Variants in CCDC186 observed in about 807,000 individuals in gnomAD.
CCDC186 encodes coiled-coil domain containing 186.
Under a neutral mutation model 113.7 loss-of-function variants are expected in CCDC186, and 49 were observed. The ratio of observed to expected loss-of-function variants is 0.43; its 90% CI spans 0.34 to 0.55. The LOEUF (loss-of-function observed/expected upper bound fraction) is 0.55. Among genes scored for constraint, CCDC186 ranks in the 20% least tolerant of loss-of-function variants. The pLI, the probability that CCDC186 is intolerant of heterozygous loss-of-function variation, is 0.02. For synonymous variants in CCDC186, 355 were observed against 345.8 expected (o/e 1.03, Z -0.30); for missense variants, 890 against 1,011.1 (o/e 0.88, Z 1.62).
At chr10:114,171,573 C>A (rs2032496033) in intron 1 of CCDC186, among the ~76,000 whole-genome samples, 1 of 151,864 alleles carries the variant, frequency 6.6e-6, no homozygotes, top group South Asian at 2.1e-4. Flanking sequence ...AAAATGAAGC[C>A]TAGTATCTTT....
At chr10:114,135,104 ATAAAC>A in intron 9 of CCDC186, 49 bp from the exon 10 acceptor site, 1 of 1,538,670 alleles carries the variant, frequency 6.5e-7, no homozygotes, top group South Asian at 1.2e-5. Context: ...CTTGTTCTTT[ATAAAC>A]TATTTTGTAT....
rs965353682 is a variant in CCDC186 at position 114,123,807 on chromosome 10, T to C, written c.*1336A>G. 6.6e-6 allele frequency: 1 copy of C among 152,176 alleles called. No homozygotes were observed. The highest frequency in any genetic ancestry group is 1.5e-5 in the Non-Finnish European group (1 of 68,028). The allele number at this position is 152,176 out of a possible 1,614,324, so 9.4% of individuals were successfully genotyped here. A position where few individuals can be genotyped will look rare whatever the true frequency, so the allele number is the denominator to read the frequency against. On this transcript the variant is annotated 3_prime_UTR_variant, in exon 16 of 16. Coordinates refer to ENST00000369287, the MANE Select transcript of CCDC186 (RefSeq NM_018017.4). ...AGAAAAATTTGGCTCTAAAATTAAG[T>C]TCCTTTGGTTACAGATATATACTTA...
At chr10:114,158,930 G>A (rs183499443) in intron 2 of CCDC186, among the ~76,000 whole-genome samples, 4 of 152,190 alleles carry the variant, frequency 2.6e-5, no homozygotes, top group East Asian at 3.9e-4. Context: ...CCCTGCCCTC[G>A]TGGAACTTAC....
At position 114,163,102 on chromosome 10, in the gene CCDC186, G is replaced by A. The variant is rs2032228719; in HGVS notation, c.167C>T (p.Pro56Leu). The A allele has an allele frequency of 6.2e-7, 1 of 1,613,848 alleles. No individual in the cohort carries two copies. Among genetic ancestry groups the A allele is most frequent in the Admixed American group, 1.7e-5 (1 of 59,996 alleles). ...TTCAATTCGATTATTATGCTCATTA[G>A]GTTGACATAAAGTTTTATCAGTGTT... ...SLNTDKTLCQPNEHNNRIEAQ... is the reference protein window; with the variant it reads ...SLNTDKTLCQLNEHNNRIEAQ... The change falls in exon 2 of 16, where the codon CCT (proline) becomes CTT (leucine). Residue 56 changes from proline to leucine, a missense_variant. Transcript: ENST00000369287.
chr10:114,167,930 G>C (rs758137203), intron 1 of CCDC186, among the ~76,000 whole-genome samples: 1 of 151,766 alleles, frequency 6.6e-6, no homozygotes, highest in South Asian at 2.1e-4. Context: ...AAGCTGCAAT[G>C]AGCTATGATG....
intron 3 of CCDC186, among the ~76,000 whole-genome samples, chr10:114,151,771 C>A (rs1195512168): frequency 6.6e-6 from 1 of 152,128 alleles, no homozygotes; most frequent in African/African-American, 2.4e-5. Flanking sequence ...CAACACTTAG[C>A]CCTTAATTAA....
At chr10:114,147,672 T>C (rs371566083) in intron 4 of CCDC186, among the ~76,000 whole-genome samples, 2 of 152,206 alleles carry the variant, frequency 1.3e-5, no homozygotes, top group East Asian at 1.9e-4. Flanking sequence ...TTTTATTCCA[T>C]AGTCAACATA....
intron 3 of CCDC186, among the ~76,000 whole-genome samples, chr10:114,156,939 A>C (rs1361164898): frequency 6.6e-6 from 1 of 152,142 alleles, no homozygotes; most frequent in African/African-American, 2.4e-5. Context: ...CCTGTTGGCA[A>C]CAACAGTCTA....
intron 3 of CCDC186, among the ~76,000 whole-genome samples, chr10:114,151,896 GA>G (rs1252710133): frequency 1.3e-5 from 2 of 152,014 alleles, no homozygotes; most frequent in Non-Finnish European, 1.5e-5. Context: ...TGACTTGAAA[GA>G]AAAAAATCAT....
chr10:114,150,480 T>C (rs906422065), intron 4 of CCDC186, among the ~76,000 whole-genome samples: 1 of 152,146 alleles, frequency 6.6e-6, no homozygotes, highest in African/African-American at 2.4e-5. Flanking sequence ...TACATGTATA[T>C]GTAGTAAGAT....
At chr10:114,158,224 G>A (rs2032067063) in intron 2 of CCDC186, among the ~76,000 whole-genome samples, 1 of 152,174 alleles carries the variant, frequency 6.6e-6, no homozygotes, top group African/African-American at 2.4e-5. Context: ...TCTTGCTTCA[G>A]ATTTTAAAAA....
intron 9 of CCDC186, 94 bp from the exon 10 acceptor site, chr10:114,135,149 C>T (rs1045090591): frequency 2.1e-5 from 26 of 1,235,802 alleles, no homozygotes; most frequent in Non-Finnish European, 2.7e-5. Context: ...TCTAAAAATT[C>T]TAAAGCACCA....
At chr10:114,144,432 C>G in intron 6 of CCDC186, 65 bp downstream of exon 6, 1 of 1,498,294 alleles carries the variant, frequency 6.7e-7, no homozygotes, top group Non-Finnish European at 8.9e-7. Flanking sequence ...AAAAAAAAAA[C>G]AAAAACAAAA....
Position 114,162,793 on chromosome 10 carries a change from G to A in CCDC186, c.476C>T (p.Ser159Leu), listed in dbSNP as rs1378792713. The change falls in exon 2 of 16, where the codon TCA becomes TTA. Residue 159 changes from serine to leucine, a missense_variant. By Grantham distance (145) the Ser-to-Leu change is moderately radical. Transcript: ENST00000369287. ...FISKIKSVSA[S>L]EDLLEEIESE... ...TTCTATTTCTTCCAACAAATCCTCTGATGCTGAAACGCTCTTTATTTTTGA... is the reference window on the plus strand; with the variant it reads ...TTCTATTTCTTCCAACAAATCCTCTAATGCTGAAACGCTCTTTATTTTTGA... 6.2e-7 allele frequency: 1 copy of A among 1,613,764 alleles called. No homozygotes were observed. The highest frequency in any genetic ancestry group is 2.2e-5 in the East Asian group (1 of 44,866).
intron 1 of CCDC186, among the ~76,000 whole-genome samples, chr10:114,165,518 C>G (rs1042786241): frequency 2.0e-5 from 3 of 151,668 alleles, no homozygotes; most frequent in Non-Finnish European, 4.4e-5. Context: ...ACGACGAAAC[C>G]CTGTCTCTAC....
intron 14 of CCDC186, 91 bp downstream of exon 14, chr10:114,127,370 G>A (rs944612070): frequency 1.7e-6 from 2 of 1,157,188 alleles, no homozygotes; most frequent in East Asian, 2.4e-5. Flanking sequence ...TGAAAGATAG[G>A]TTCTTGATAT....
At chr10:114,171,302 TAGATGGG>T (rs1404120344) in intron 1 of CCDC186, among the ~76,000 whole-genome samples, 1 of 151,962 alleles carries the variant, frequency 6.6e-6, no homozygotes, top group Non-Finnish European at 1.5e-5. Flanking sequence ...TTGGGAGGCC[TAGATGGG>T]AGGATCAAAT....
At chr10:114,149,838 AAGGCAGGCAGGCAGGC>A (rs1170943023) in intron 4 of CCDC186, among the ~76,000 whole-genome samples, 1 of 107,716 alleles carries the variant, frequency 9.3e-6, no homozygotes, top group African/African-American at 4.3e-5. Context: ...GGAAGGCAGG[AAGGCAGGCAGGCAGGC>A]AGGAAGGCAG....
intron 12 of CCDC186, chr10:114,130,673 G>A (rs2031058678): frequency 1.3e-5 from 2 of 152,120 alleles, no homozygotes; most frequent in Non-Finnish European, 1.5e-5. Context: ...CGGTAGCCTA[G>A]ATGCAGCACA....
Sources: allele counts gnomAD v4.1 joint callset (sites outside exome capture counted in the v4.1 genomes callset), GRCh38; gene constraint gnomAD v4.1.1; transcripts MANE v1.5; gene names NCBI Gene and HGNC (gene_info 2026-07-23, HGNC 2026-07-21).